TMC7: variants seen among roughly 807,000 people sequenced by gnomAD.
TMC7 encodes transmembrane channel like 7.
Under a neutral mutation model 82.9 loss-of-function variants are expected in TMC7, and 54 were observed. The ratio of observed to expected loss-of-function variants is 0.65; its 90% confidence interval spans 0.52 to 0.82. TMC7 has a LOEUF of 0.82. TMC7 is among the 40% of genes least tolerant of loss of function. The pLI, the probability that TMC7 is intolerant of heterozygous loss-of-function variation, is 0.00. For missense variants in TMC7, 820 were observed against 901.2 expected (o/e 0.91, Z 1.15); for synonymous variants, 350 against 337.9 (o/e 1.04, Z -0.39).
At chr16:19,047,776 G>A (rs1961351073) in intron 12 of TMC7, among the ~76,000 whole-genome samples, 1 of 143,976 alleles carries the variant, frequency 6.9e-6, no homozygotes, top group Admixed American at 7.4e-5. Context: ...GCAGTGGCAC[G>A]ATCTCGGCTC....
intron 1 of TMC7, among the ~76,000 whole-genome samples, chr16:19,001,955 A>G (rs1023455230): frequency 6.6e-6 from 1 of 152,138 alleles, no homozygotes; most frequent in Non-Finnish European, 1.5e-5. Context: ...CAGAGTTTCC[A>G]TGATACTTTG....
rs558277307 is a variant in TMC7, at chr16:19,021,993, G to A, written c.628+197G>A. ...GGAATAACAGCATGCAGGCACGACA[G>A]CATAACAGTATGAGACTGTGAGTGA... On this transcript the variant is annotated intron_variant, in intron 4 of 15. Coordinates refer to ENST00000304381, the MANE Select transcript of TMC7 (RefSeq NM_024847.4). 1.1e-4 allele frequency among the ~76,000 whole-genome samples: 17 copies of A among 152,278 alleles called. No individual in the cohort carries two copies. The South Asian group carries it at 3.5e-3, about 32-fold the overall frequency.
chr16:19,056,434 G>A (rs1400459871), intron 13 of TMC7, 108 bp from the exon 14 acceptor site: 2 of 1,340,430 alleles, frequency 1.5e-6, no homozygotes, highest in Non-Finnish European at 2.0e-6. Flanking sequence ...AGGAGGTTAG[G>A]TGGCTCCCTG....
chr16:19,031,531 C>T (rs943540347), intron 6 of TMC7, among the ~76,000 whole-genome samples: 3 of 152,116 alleles, frequency 2.0e-5, no homozygotes, highest in South Asian at 4.1e-4. Context: ...ATTAGCTGGG[C>T]GTGGTGGCAC....
At chr16:18,991,715 C>A (rs1366025231) in intron 1 of TMC7, among the ~76,000 whole-genome samples, 2 of 152,084 alleles carry the variant, frequency 1.3e-5, no homozygotes, top group Non-Finnish European at 2.9e-5. Flanking sequence ...AGGTGTATCT[C>A]CTAATGCTAT....
intron 1 of TMC7, among the ~76,000 whole-genome samples, chr16:18,999,356 G>A (rs1040601397): frequency 3.9e-5 from 6 of 152,218 alleles, no homozygotes; most frequent in Non-Finnish European, 5.9e-5. Context: ...GTATTGGACA[G>A]TGCAGATATA....
At chr16:19,040,576 C>A in intron 9 of TMC7, 130 bp downstream of exon 9, 1 of 751,158 alleles carries the variant, frequency 1.3e-6, no homozygotes, top group Non-Finnish European at 2.2e-6. Context: ...CCTCAACCTT[C>A]AGACAGCCCC....
chr16:19,040,065 G>A (rs1014206822), intron 8 of TMC7, among the ~76,000 whole-genome samples: 1 of 131,416 alleles, frequency 7.6e-6, no homozygotes, highest in Non-Finnish European at 1.5e-5. Context: ...GCAGTGAGCC[G>A]AGATTATGTC....
intron 14 of TMC7, among the ~76,000 whole-genome samples, chr16:19,058,220 C>T (rs566106860): frequency 2.4e-4 from 36 of 151,978 alleles, no homozygotes; most frequent in African/African-American, 8.7e-4. Flanking sequence ...GGTGAAACAC[C>T]GTCTCTACTA....
chr16:19,004,715 A>T (rs1417466236), intron 1 of TMC7, among the ~76,000 whole-genome samples: 4 of 151,990 alleles, frequency 2.6e-5, no homozygotes, highest in African/African-American at 4.8e-5. Flanking sequence ...GGCCCCCTGA[A>T]TTTTTTCATG....
At chr16:19,013,618 A>G (rs1468637472) in intron 2 of TMC7, among the ~76,000 whole-genome samples, 2 of 151,504 alleles carry the variant, frequency 1.3e-5, no homozygotes, top group Admixed American at 6.6e-5. Flanking sequence ...CGCGGGTTTC[A>G]GCGACTGTCC....
intron 3 of TMC7, among the ~76,000 whole-genome samples, chr16:19,017,880 C>T (rs1390050827): frequency 6.6e-6 from 1 of 152,132 alleles, no homozygotes; most frequent in Non-Finnish European, 1.5e-5. Flanking sequence ...CCGTGTTAGC[C>T]AGGATGGTCT....
intron 1 of TMC7, among the ~76,000 whole-genome samples, chr16:18,987,980 G>A (rs1473247174): frequency 1.3e-5 from 2 of 152,138 alleles, no homozygotes; most frequent in Admixed American, 6.6e-5. Flanking sequence ...CCCTGGAGCT[G>A]CGCTTGTGGT....
chr16:19,050,332 A>G (rs929769196), intron 12 of TMC7, among the ~76,000 whole-genome samples: 2 of 137,218 alleles, frequency 1.5e-5, no homozygotes, highest in Non-Finnish European at 1.5e-5. Context: ...GCGCTACTAC[A>G]CTCCAGCCTG....
At chr16:18,997,335 C>T (rs1009456768) in intron 1 of TMC7, among the ~76,000 whole-genome samples, 2 of 152,194 alleles carry the variant, frequency 1.3e-5, no homozygotes, top group African/African-American at 4.8e-5. Flanking sequence ...CTTGGCCTCT[C>T]AAAGTGCTGG....
chr16:19,024,867 G>A (rs572348737), intron 5 of TMC7, among the ~76,000 whole-genome samples: 194 of 152,136 alleles, frequency 1.3e-3, no homozygotes, highest in Non-Finnish European at 2.0e-3. Flanking sequence ...TTAGCAGGGC[G>A]TGGTGGCGGG....
At chr16:19,039,002 T>G (rs1960884976) in intron 8 of TMC7, among the ~76,000 whole-genome samples, 1 of 152,168 alleles carries the variant, frequency 6.6e-6, no homozygotes, top group Non-Finnish European at 1.5e-5. Flanking sequence ...TGGCTCTGTT[T>G]TATGCAATCA....
chr16:19,030,850 G>C (rs1596766315), intron 6 of TMC7, among the ~76,000 whole-genome samples: 1 of 152,208 alleles, frequency 6.6e-6, no homozygotes, highest in Non-Finnish European at 1.5e-5. Flanking sequence ...TGGGATTACA[G>C]GTGTGAGCCA....
intron 5 of TMC7, among the ~76,000 whole-genome samples, chr16:19,025,863 T>C (rs1960201425): frequency 6.6e-6 from 1 of 151,730 alleles, no homozygotes; most frequent in Non-Finnish European, 1.5e-5. Flanking sequence ...TAAGCCATCC[T>C]TTCACCTCAA....
Sources: gnomAD v4.1 joint callset for allele counts (sites outside exome capture counted in the v4.1 genomes callset) on GRCh38, gnomAD v4.1.1 for gene constraint, MANE v1.5 for transcripts, NCBI Gene and HGNC (gene_info 2026-07-23, HGNC 2026-07-21) for gene names.